The following GPM6A variants were observed in gnomAD, a reference collection of about 807,000 sequenced individuals.
GPM6A encodes the protein neuronal membrane glycoprotein M6-a.
In GPM6A, 7 loss-of-function variants were observed where a neutral mutation model predicts 32.1. The ratio of observed to expected loss-of-function variants is 0.22; its 90% CI spans 0.12 to 0.41. The LOEUF (loss-of-function observed/expected upper bound fraction) is 0.41. GPM6A is among the 10% of genes least tolerant of loss of function. The pLI is 1.00. For synonymous variants in GPM6A, 130 were observed against 123.4 expected (o/e 1.05, Z -0.35); for missense variants, 235 against 347.2 (o/e 0.68, Z 2.57).
At chr4:175,785,959 TA>T (rs1733781363) in intron 1 of GPM6A, among the ~76,000 whole-genome samples, 1 of 151,646 alleles carries the variant, frequency 6.6e-6, no homozygotes. Flanking sequence ...CAGAAGCAAT[TA>T]TAATAGAGTG....
intron 1 of GPM6A, among the ~76,000 whole-genome samples, chr4:175,825,210 A>G (rs1234919957): frequency 6.6e-6 from 1 of 152,174 alleles, no homozygotes; most frequent in African/African-American, 2.4e-5. Flanking sequence ...CACACAAGCC[A>G]AGGTTTTACA....
intron 1 of GPM6A, among the ~76,000 whole-genome samples, chr4:175,803,066 CT>C (rs1252314314): frequency 6.6e-6 from 1 of 151,920 alleles, no homozygotes; most frequent in East Asian, 1.9e-4. Context: ...GTGTTTTATT[CT>C]TTCTTTAGTC....
At chr4:175,706,464 G>A (rs533773040) in intron 1 of GPM6A, among the ~76,000 whole-genome samples, 205 of 152,292 alleles carry the variant, frequency 1.3e-3, no homozygotes, top group African/African-American at 4.6e-3. Context: ...GTGGATTCTG[G>A]AAAAGTGATT....
At chr4:175,791,808 A>G (rs146059731) in intron 1 of GPM6A, among the ~76,000 whole-genome samples, 381 of 152,250 alleles carry the variant, frequency 2.5e-3, no homozygotes, top group African/African-American at 8.0e-3. Flanking sequence ...ACATGAGCAA[A>G]CTAGTTTCCA....
At chr4:175,989,710 A>G (rs1194700552) in intron 1 of GPM6A, among the ~76,000 whole-genome samples, 1 of 152,146 alleles carries the variant, frequency 6.6e-6, no homozygotes, top group Admixed American at 6.6e-5. Flanking sequence ...AATATGTTAA[A>G]TTATTTCCTT....
At chr4:175,953,535 G>T (rs1310372137) in intron 1 of GPM6A, among the ~76,000 whole-genome samples, 1 of 152,102 alleles carries the variant, frequency 6.6e-6, no homozygotes, top group African/African-American at 2.4e-5. Context: ...TAGTATTATT[G>T]CTTTGTTTAT....
At chr4:175,749,419 C>T (rs1473748554) in intron 1 of GPM6A, among the ~76,000 whole-genome samples, 6 of 152,018 alleles carry the variant, frequency 3.9e-5, no homozygotes, top group Admixed American at 3.9e-4. Flanking sequence ...GACACGGTTG[C>T]CACAAACCTT....
intron 3 of GPM6A, among the ~76,000 whole-genome samples, chr4:175,662,803 T>C (rs968334421): frequency 6.6e-6 from 1 of 152,008 alleles, no homozygotes; most frequent in Non-Finnish European, 1.5e-5. Flanking sequence ...GGATGATTTC[T>C]AAATAGGGCA....
At chr4:175,650,854 G>A (rs1336548682) in intron 4 of GPM6A, among the ~76,000 whole-genome samples, 1 of 152,154 alleles carries the variant, frequency 6.6e-6, no homozygotes, top group African/African-American at 2.4e-5. Flanking sequence ...GTGTCCCCAG[G>A]TGTTAGTAGG....
intron 1 of GPM6A, among the ~76,000 whole-genome samples, chr4:175,905,803 G>C (rs1220866263): frequency 6.6e-6 from 1 of 152,140 alleles, no homozygotes; most frequent in Non-Finnish European, 1.5e-5. Context: ...AACCGCCGAT[G>C]TTCATGCTTT....
intron 1 of GPM6A, among the ~76,000 whole-genome samples, chr4:175,736,391 T>TA (rs1731660573): frequency 6.6e-6 from 1 of 152,182 alleles, no homozygotes; most frequent in African/African-American, 2.4e-5. Context: ...ACATAGAGTC[T>TA]TCACCTCCGA....
At chr4:175,750,222 C>T (rs577056905) in intron 1 of GPM6A, among the ~76,000 whole-genome samples, 28 of 152,160 alleles carry the variant, frequency 1.8e-4, no homozygotes, top group African/African-American at 6.5e-4. Context: ...CCACACCCTG[C>T]TAATTTTGTA....
At chr4:175,880,603 A>C (rs1234631477) in intron 1 of GPM6A, among the ~76,000 whole-genome samples, 1 of 152,196 alleles carries the variant, frequency 6.6e-6, no homozygotes, top group African/African-American at 2.4e-5. Context: ...GGGCCTTCAC[A>C]TCCCTTGCAA....
In GPM6A at chr4:175,741,867, T is replaced by C. The variant is rs376999222; in HGVS notation, c.38-40100A>G. On this transcript the variant is annotated intron_variant, in intron 1 of 6. Transcript: ENST00000393658. ...TTATTGTATAATTTAGAGCAAAATG[T>C]CTTCTTTTTTCCTTGAAAATGTTTT... 5.3e-5 allele frequency among the ~76,000 whole-genome samples: 8 copies of C among 152,240 alleles called. No individual in the cohort carries two copies. In the East Asian group the frequency reaches 1.5e-3, roughly 29 times the overall value.
chr4:175,881,998 T>C (rs895962444), intron 1 of GPM6A, among the ~76,000 whole-genome samples: 1 of 151,826 alleles, frequency 6.6e-6, no homozygotes, highest in Non-Finnish European at 1.5e-5. Flanking sequence ...ATAAAAAATA[T>C]AATAAATAAA....
At chr4:175,910,592 C>T (rs1195036142) in intron 1 of GPM6A, among the ~76,000 whole-genome samples, 5 of 152,256 alleles carry the variant, frequency 3.3e-5, no homozygotes, top group Non-Finnish European at 7.4e-5. Context: ...GTGCTCTTTT[C>T]ATATTAACTA....
chr4:175,824,436 A>C (rs982194512), intron 1 of GPM6A, among the ~76,000 whole-genome samples: 3 of 152,160 alleles, frequency 2.0e-5, no homozygotes, highest in Admixed American at 2.0e-4. Flanking sequence ...GGCATTTACT[A>C]TTGCAAATAT....
chr4:175,861,442 A>T (rs1009082952), intron 1 of GPM6A, among the ~76,000 whole-genome samples: 2 of 151,820 alleles, frequency 1.3e-5, no homozygotes, highest in African/African-American at 4.8e-5. Context: ...AACTAAAAAA[A>T]AAAACAACTT....
chr4:175,691,194 A>G (rs1256940451), intron 2 of GPM6A, among the ~76,000 whole-genome samples: 1 of 152,244 alleles, frequency 6.6e-6, no homozygotes, highest in Non-Finnish European at 1.5e-5. Flanking sequence ...CAAGATGCAT[A>G]AATAATCCTC....
Sources: allele counts gnomAD v4.1 joint callset (sites outside exome capture counted in the v4.1 genomes callset), GRCh38; gene constraint gnomAD v4.1.1; transcripts MANE v1.5; gene names NCBI Gene and HGNC (gene_info 2026-07-23, HGNC 2026-07-21).